The following HECTD4 variants were observed in gnomAD, a reference collection of about 807,000 sequenced individuals.
The protein encoded by HECTD4 is HECT domain E3 ubiquitin protein ligase 4.
HECTD4 carries 114 observed loss-of-function variants against 471.5 expected under a neutral mutation model. The observed-to-expected ratio is 0.24, with a 90% CI of 0.21 to 0.28. The LOEUF (loss-of-function observed/expected upper bound fraction) is 0.28, where lower values mean the gene tolerates loss of function less well. HECTD4 is among the 10% of genes least tolerant of loss of function. The pLI is 1.00. For synonymous variants in HECTD4, 2,012 were observed against 2,256.0 expected (o/e 0.89, Z 3.07); for missense variants, 3,866 against 5,651.5 (o/e 0.68, Z 10.13).
chr12:112,251,230 G>T, intron 23 of HECTD4, 96 bp from the exon 24 acceptor site: 2 of 1,203,870 alleles, frequency 1.7e-6, no homozygotes, highest in Non-Finnish European at 2.3e-6. Flanking sequence ...CAACCACAGG[G>T]TTCTACAGAG....
rs772444691 is a variant in HECTD4 at position 112,327,612 on chromosome 12, G to A, written c.178-7870C>T. Among the ~76,000 whole-genome samples, 6 of 152,212 alleles carry A rather than the reference G, an allele frequency of 3.9e-5. No individual in the cohort carries two copies. The South Asian group carries it at 6.2e-4, about 16-fold the overall frequency. Reference sequence around the variant, plus strand: ...GACAAGTTACATTGTTCATACAGAAGAAATGCTTAGAACATCTGAGTTTCC... The same window carrying A: ...GACAAGTTACATTGTTCATACAGAAAAAATGCTTAGAACATCTGAGTTTCC... On this transcript the variant is annotated intron_variant, in intron 1 of 75. Coordinates refer to ENST00000682272, the MANE Select transcript of HECTD4 (RefSeq NM_001388303.1).
chr12:112,182,533 G>C (rs1353970063), intron 62 of HECTD4, among the ~76,000 whole-genome samples: 1 of 152,226 alleles, frequency 6.6e-6, no homozygotes, highest in African/African-American at 2.4e-5. Context: ...GGGGACGCAT[G>C]AGCTGTCCTC....
intron 1 of HECTD4, among the ~76,000 whole-genome samples, chr12:112,335,864 A>T (rs1468350999): frequency 2.0e-5 from 3 of 152,202 alleles, no homozygotes; most frequent in Non-Finnish European, 4.4e-5. Flanking sequence ...TAATAAGTGA[A>T]AGACAAACAA....
intron 39 of HECTD4, chr12:112,231,079 A>C: frequency 2.0e-6 from 1 of 487,812 alleles, no homozygotes. Flanking sequence ...AGGGAAAGAC[A>C]CTGCATTGCA....
rs547413251 is a variant in HECTD4, at chr12:112,268,558, C to T, written c.2321+1146G>A. Among the ~76,000 whole-genome samples, 6 of 152,156 alleles carry T rather than the reference C, an allele frequency of 3.9e-5. No homozygotes were observed. In the East Asian group the frequency reaches 1.2e-3, roughly 30 times the overall value. On this transcript the variant is annotated intron_variant, in intron 13 of 75. Coordinates refer to ENST00000682272, the MANE Select transcript of HECTD4 (RefSeq NM_001388303.1). Reference sequence around the variant, plus strand: ...ATCACCTGAGGTCAGGAGTTCGAGACCAGCCTGGCCAACGTGGTGAAACCC... The same window carrying T: ...ATCACCTGAGGTCAGGAGTTCGAGATCAGCCTGGCCAACGTGGTGAAACCC...
At chr12:112,317,983 A>G (rs1033531693) in intron 2 of HECTD4, among the ~76,000 whole-genome samples, 3 of 146,370 alleles carry the variant, frequency 2.0e-5, no homozygotes, top group Non-Finnish European at 4.5e-5. Context: ...AAAAAAAAAA[A>G]GAGAGGAATA....
intron 22 of HECTD4, 23 bp from the exon 23 acceptor site, chr12:112,252,551 G>A (rs773629415): frequency 1.3e-6 from 2 of 1,594,242 alleles, no homozygotes; most frequent in African/African-American, 1.4e-5. Context: ...GGAAGGGGGG[G>A]AAATGCACTT....
intron 7 of HECTD4, among the ~76,000 whole-genome samples, chr12:112,289,202 C>A (rs1019440064): frequency 9.9e-5 from 15 of 152,216 alleles, no homozygotes; most frequent in African/African-American, 3.1e-4. Flanking sequence ...AGGGCTCAAG[C>A]GATCCTCCCA....
intron 18 of HECTD4, 36 bp downstream of exon 18, chr12:112,261,269 A>G: frequency 6.6e-7 from 1 of 1,510,168 alleles, no homozygotes; most frequent in Non-Finnish European, 8.9e-7. Context: ...TTCTTCCCAC[A>G]GGGCAGCTGG....
intron 21 of HECTD4, 89 bp from the exon 22 acceptor site, chr12:112,254,251 A>C: frequency 6.0e-6 from 9 of 1,494,880 alleles, no homozygotes; most frequent in Non-Finnish European, 8.2e-6. Flanking sequence ...ATTTGTTTAA[A>C]ATACAATTAT....
chr12:112,246,141 AAAAAT>A (rs148990896), intron 29 of HECTD4, among the ~76,000 whole-genome samples: 18 of 148,900 alleles, frequency 1.2e-4, no homozygotes, highest in African/African-American at 3.2e-4. Flanking sequence ...CAAAAAAATA[AAAAAT>A]AAAATAAAAT....
intron 50 of HECTD4, among the ~76,000 whole-genome samples, chr12:112,209,347 A>G (rs1324710515): frequency 1.4e-5 from 2 of 146,664 alleles, no homozygotes; most frequent in African/African-American, 5.1e-5. Context: ...TTTTTTTGAG[A>G]TGGAGTTTCG....
chr12:112,302,433 T>C (rs1409008149), intron 7 of HECTD4: 1 of 754,728 alleles, frequency 1.3e-6, no homozygotes, highest in East Asian at 2.5e-5. Flanking sequence ...AACTGGTTAA[T>C]AGCAGGAGGC....
rs577859319 is a variant in HECTD4 at position 112,303,610 on chromosome 12, G to A, written c.1335+2454C>T. Among the ~76,000 whole-genome samples, 4 of 152,278 alleles carry A rather than the reference G, an allele frequency of 2.6e-5. No homozygotes were observed. In the South Asian group the frequency reaches 8.3e-4, roughly 32 times the overall value. ...CAGGCCTGTTATCCTAGCACTTTGG[G>A]AGGCTGAGGCATGCTGATCACTTGA... On this transcript the variant is annotated intron_variant, in intron 7 of 75. Transcript: ENST00000682272.
At position 112,283,237 on chromosome 12, in the gene HECTD4, G is replaced by A. The variant is rs368428068; in HGVS notation, c.1401C>T (p.Gly467=). The change falls in exon 8 of 76, where the codon GGC becomes GGT. Residue 467 remains glycine (G), a synonymous_variant. Transcript: ENST00000682272. Reference sequence around the variant, plus strand: ...TCTCATTAATGCTTTTGGCAGATTCGCCCTCTTTTCTCATTAGAATTGTAC... The same window carrying A: ...TCTCATTAATGCTTTTGGCAGATTCACCCTCTTTTCTCATTAGAATTGTAC... ...QERTILMRKE[G]ESAKSINEML... is the part of the protein sequence containing the mutation. 93 of 1,613,398 alleles carry A rather than the reference G, an allele frequency of 5.8e-5. No individual in the cohort carries two copies. The highest frequency in any genetic ancestry group is 7.3e-5 in the Non-Finnish European group (86 of 1,179,626).
chr12:112,283,316 A>G lies in HECTD4; in HGVS notation c.1336-14T>C. 6.3e-7 allele frequency: 1 copy of G among 1,591,318 alleles called. No individual in the cohort carries two copies. Among genetic ancestry groups the G allele is most frequent in the Non-Finnish European group, 8.6e-7 (1 of 1,165,510 alleles). ...ACCATTTTCAACCTAACATAGAAAAAAAGGAGGTCCTAAAATGATATCTGT... is the reference window on the plus strand; with the variant it reads ...ACCATTTTCAACCTAACATAGAAAAGAAGGAGGTCCTAAAATGATATCTGT... On this transcript the variant is annotated splice_polypyrimidine_tract_variant and intron_variant, in intron 7 of 75. Coordinates refer to ENST00000682272, the MANE Select transcript of HECTD4 (RefSeq NM_001388303.1).
chr12:112,164,260 C>T lies in HECTD4; in HGVS notation c.12550G>A (p.Glu4184Lys), dbSNP rs1482343904. Reference protein sequence around the residue: ...KKFESINDETELEALCAEIAS... With the variant: ...KKFESINDETKLEALCAEIAS... ...ATCTCAGCGCACAGGGCCTCCAGCT[C>T]GGTCTCATCATTGATCTGGAGGGTG... The change falls in exon 73 of 76, where the codon GAG becomes AAG. Residue 4184 changes from glutamate (E) to lysine (K), a missense_variant. Coordinates refer to ENST00000682272, the MANE Select transcript of HECTD4 (RefSeq NM_001388303.1). 10 of 1,612,928 alleles carry T rather than the reference C, an allele frequency of 6.2e-6. No individual in the cohort carries two copies. Among genetic ancestry groups the T allele is most frequent in the South Asian group, 1.1e-5 (1 of 91,002 alleles).
intron 72 of HECTD4, among the ~76,000 whole-genome samples, chr12:112,165,515 C>T (rs1352683534): frequency 6.6e-6 from 1 of 151,856 alleles, no homozygotes; most frequent in African/African-American, 2.4e-5. Flanking sequence ...CCATGCCTGG[C>T]TAATTTTTTG....
intron 7 of HECTD4, among the ~76,000 whole-genome samples, chr12:112,288,465 T>A (rs11066238): frequency 1.3e-5 from 2 of 151,236 alleles, no homozygotes; most frequent in African/African-American, 4.9e-5. Context: ...ATAAAAAAAA[T>A]ATAAAAATTA....
Sources: gnomAD v4.1 joint callset for allele counts (sites outside exome capture counted in the v4.1 genomes callset) on GRCh38, gnomAD v4.1.1 for gene constraint, MANE v1.5 for transcripts, NCBI Gene and HGNC (gene_info 2026-07-23, HGNC 2026-07-21) for gene names.